Variants in SLC10A7 observed in about 807,000 individuals in gnomAD.
SLC10A7 encodes solute carrier family 10 member 7, also known as sodium/bile acid cotransporter 7.
A neutral mutation model predicts 43.2 loss-of-function variants in SLC10A7; 29 were observed. That is an observed-to-expected ratio of 0.67 (90% CI 0.50 to 0.92). SLC10A7 has a LOEUF of 0.92. Among genes scored for constraint, SLC10A7 ranks in the 40% least tolerant of loss-of-function variants. The pLI, the probability that SLC10A7 is intolerant of heterozygous loss-of-function variation, is 0.00. For synonymous variants in SLC10A7, 152 were observed against 144.8 expected (o/e 1.05, Z -0.35); for missense variants, 295 against 403.2 (o/e 0.73, Z 2.30).
At chr4:146,488,019 T>C (rs946232823) in intron 4 of SLC10A7, among the ~76,000 whole-genome samples, 3 of 152,012 alleles carry the variant, frequency 2.0e-5, no homozygotes, top group Non-Finnish European at 4.4e-5. Flanking sequence ...GAACTCTGTC[T>C]CTACGAAAAA....
intron 5 of SLC10A7, among the ~76,000 whole-genome samples, chr4:146,382,951 G>T (rs184221405): frequency 6.6e-6 from 1 of 152,016 alleles, no homozygotes; most frequent in East Asian, 1.9e-4. Flanking sequence ...CAATATCGGT[G>T]AAACTTTCCT....
chr4:146,504,074 C>G, intron 3 of SLC10A7, 150 bp from the exon 4 acceptor site: 1 of 707,412 alleles, frequency 1.4e-6, no homozygotes, highest in Non-Finnish European at 2.5e-6. Flanking sequence ...CAAGTCTACA[C>G]AAGGCAACGT....
intron 10 of SLC10A7, among the ~76,000 whole-genome samples, chr4:146,278,756 C>T (rs1267130605): frequency 6.6e-6 from 1 of 152,092 alleles, no homozygotes; most frequent in Non-Finnish European, 1.5e-5. Context: ...TCATTTTGTC[C>T]ATCTTCTCAT....
At chr4:146,442,642 T>C in intron 5 of SLC10A7, 141 bp downstream of exon 5, 1 of 1,495,054 alleles carries the variant, frequency 6.7e-7, no homozygotes, top group South Asian at 1.3e-5. Flanking sequence ...TTCTTCAGGG[T>C]ATGGATACTG....
rs558544428 is a variant in SLC10A7, at chr4:146,459,625, A to C, written c.397-16804T>G. Among the ~76,000 whole-genome samples the C allele has an allele frequency of 1.6e-3, 236 of 151,468 alleles. 1 individual carries two copies. The highest frequency in any genetic ancestry group is 5.2e-3 in the African/African-American group (216 of 41,408). On this transcript the variant is annotated intron_variant, in intron 4 of 11. Transcript: ENST00000335472. ...CTGGACATCCACACACAAAAAAAAAAAACGAAAAACTCTGATGCTTATTCA... is the reference window on the plus strand; with the variant it reads ...CTGGACATCCACACACAAAAAAAAACAACGAAAAACTCTGATGCTTATTCA...
At chr4:146,454,988 T>C (rs1295631996) in intron 4 of SLC10A7, among the ~76,000 whole-genome samples, 1 of 151,894 alleles carries the variant, frequency 6.6e-6, no homozygotes, top group African/African-American at 2.4e-5. Context: ...TGTTATATAC[T>C]ATTTGATATT....
intron 6 of SLC10A7, among the ~76,000 whole-genome samples, chr4:146,311,931 C>T (rs1430727856): frequency 6.6e-6 from 1 of 152,114 alleles, no homozygotes; most frequent in Non-Finnish European, 1.5e-5. Flanking sequence ...TCCTACTGCT[C>T]CTTCTCTCAC....
chr4:146,446,216 T>C (rs1731062018), intron 4 of SLC10A7, among the ~76,000 whole-genome samples: 1 of 152,134 alleles, frequency 6.6e-6, no homozygotes, highest in African/African-American at 2.4e-5. Flanking sequence ...ACAGATGGAC[T>C]GAGTATCTCC....
At chr4:146,289,706 GTTTTTTTTTTT>G (rs776153195) in intron 9 of SLC10A7, among the ~76,000 whole-genome samples, 2 of 88,088 alleles carry the variant, frequency 2.3e-5, no homozygotes, top group Non-Finnish European at 4.4e-5. Context: ...CTGATTATTA[GTTTTTTTTTTT>G]TTTTTTTTTT....
chr4:146,361,971 A>G (rs1736076361), intron 5 of SLC10A7, among the ~76,000 whole-genome samples: 1 of 152,192 alleles, frequency 6.6e-6, no homozygotes, highest in African/African-American at 2.4e-5. Flanking sequence ...CAGTCTCTCA[A>G]CAGCAGAATT....
At chr4:146,317,088 C>T (rs1342817019) in intron 6 of SLC10A7, among the ~76,000 whole-genome samples, 1 of 152,084 alleles carries the variant, frequency 6.6e-6, no homozygotes, top group Non-Finnish European at 1.5e-5. Flanking sequence ...TCATACTGTG[C>T]TACCTCTCTA....
At chr4:146,419,028 C>A (rs1205056871) in intron 5 of SLC10A7, among the ~76,000 whole-genome samples, 1 of 152,210 alleles carries the variant, frequency 6.6e-6, no homozygotes, top group Non-Finnish European at 1.5e-5. Flanking sequence ...ATGCATAAGG[C>A]AAGGCATGTG....
chr4:146,425,997 C>A (rs1428233629), intron 5 of SLC10A7, among the ~76,000 whole-genome samples: 7 of 152,166 alleles, frequency 4.6e-5, no homozygotes, highest in African/African-American at 1.7e-4. Flanking sequence ...ATGCATCAAG[C>A]CAAGTGTCTA....
intron 5 of SLC10A7, among the ~76,000 whole-genome samples, chr4:146,344,906 G>A (rs1309999390): frequency 1.8e-4 from 28 of 152,198 alleles, no homozygotes; most frequent in Non-Finnish European, 5.9e-5. Context: ...GTGATCAATA[G>A]ATAAATATCA....
At chr4:146,496,180 C>T (rs999512301) in intron 4 of SLC10A7, among the ~76,000 whole-genome samples, 3 of 152,112 alleles carry the variant, frequency 2.0e-5, no homozygotes, top group Non-Finnish European at 4.4e-5. Context: ...TATTCCACTA[C>T]GTTTCGCCTA....
chr4:146,275,193 ATTTCT>A (rs971747702), intron 10 of SLC10A7, among the ~76,000 whole-genome samples: 1 of 152,104 alleles, frequency 6.6e-6, no homozygotes, highest in Non-Finnish European at 1.5e-5. Context: ...TTAAATTTTT[ATTTCT>A]TTTAAGAAAC....
At chr4:146,389,757 C>CT (rs561955409) in intron 5 of SLC10A7, among the ~76,000 whole-genome samples, 350 of 152,298 alleles carry the variant, frequency 2.3e-3, no homozygotes, top group African/African-American at 7.7e-3. Flanking sequence ...GAATCTCAGA[C>CT]TTGGAATTAG....
intron 2 of SLC10A7, among the ~76,000 whole-genome samples, chr4:146,513,686 T>C (rs1394818996): frequency 3.9e-5 from 6 of 152,232 alleles, no homozygotes; most frequent in Middle Eastern, 3.2e-3. Flanking sequence ...GGGAAGCGCT[T>C]CTAAGAAAGA....
At chr4:146,500,248 G>C (rs1324726370) in intron 4 of SLC10A7, among the ~76,000 whole-genome samples, 1 of 152,060 alleles carries the variant, frequency 6.6e-6, no homozygotes, top group Non-Finnish European at 1.5e-5. Flanking sequence ...GCATGTCTAC[G>C]CATCTCAGCT....
Sources: gnomAD v4.1 joint callset for allele counts (sites outside exome capture counted in the v4.1 genomes callset) on GRCh38, gnomAD v4.1.1 for gene constraint, MANE v1.5 for transcripts, NCBI Gene and HGNC (gene_info 2026-07-23, HGNC 2026-07-21) for gene names.